NIM1K: variants seen among roughly 807,000 people sequenced by gnomAD.
NIM1K encodes serine/threonine-protein kinase NIM1.
In NIM1K, 35 loss-of-function variants were observed where a neutral mutation model predicts 37.1. That is an observed-to-expected ratio of 0.94 (90% CI 0.72 to 1.25). The LOEUF is 1.25. Among genes scored for constraint, NIM1K ranks in the 50% most tolerant of loss-of-function variants. The pLI, the probability that NIM1K is intolerant of heterozygous loss-of-function variation, is 0.00. For missense variants in NIM1K, 564 were observed against 548.0 expected, an observed-to-expected ratio of 1.03 and a Z score of -0.29; for synonymous variants, 234 against 206.6, an observed-to-expected ratio of 1.13 and a Z score of -1.14.
intron 2 of NIM1K, among the ~76,000 whole-genome samples, chr5:43,246,526 A>AT (rs2112263923): frequency 6.6e-6 from 1 of 151,538 alleles, no homozygotes; most frequent in East Asian, 1.9e-4. Context: ...CTCAGTAACA[A>AT]TGGCACAGTG....
At chr5:43,219,185 T>C (rs568986641) in intron 1 of NIM1K, among the ~76,000 whole-genome samples, 1 of 152,272 alleles carries the variant, frequency 6.6e-6, no homozygotes, top group Non-Finnish European at 1.5e-5. Flanking sequence ...ACCTCTTTCC[T>C]TTATAAATTA....
chr5:43,220,753 C>A (rs1752369683), intron 1 of NIM1K, among the ~76,000 whole-genome samples: 1 of 152,120 alleles, frequency 6.6e-6, no homozygotes, highest in Non-Finnish European at 1.5e-5. Flanking sequence ...TTCCTCTTTT[C>A]CTTTGTTATG....
intron 2 of NIM1K, among the ~76,000 whole-genome samples, chr5:43,272,085 T>A (rs1442441259): frequency 6.6e-6 from 1 of 152,232 alleles, no homozygotes; most frequent in Admixed American, 6.5e-5. Flanking sequence ...ACATGTAGAT[T>A]CTTTGCAGTT....
At chr5:43,202,178 AT>A (rs201283035) in intron 1 of NIM1K, among the ~76,000 whole-genome samples, 12 of 150,650 alleles carry the variant, frequency 8.0e-5, no homozygotes, top group African/African-American at 2.4e-4. Flanking sequence ...AATCCCCCCA[AT>A]TTTTTTTTAT....
intron 2 of NIM1K, among the ~76,000 whole-genome samples, chr5:43,255,381 A>G (rs1752926871): frequency 6.6e-6 from 1 of 152,250 alleles, no homozygotes; most frequent in Admixed American, 6.5e-5. Flanking sequence ...TATGGAACTT[A>G]CACTCTAGTG....
At position 43,280,096 on chromosome 5, in the gene NIM1K, GCTGAACACTTT is replaced by G; in HGVS notation, c.682_692del (p.Asn228TrpfsTer9). The G allele has an allele frequency of 6.2e-7, 1 of 1,614,192 alleles. No homozygotes were observed. Among genetic ancestry groups the G allele is most frequent in the Non-Finnish European group, 8.5e-7 (1 of 1,180,024 alleles). ...GCACAGTAAGCAAAAAAGGTGAAAT[GCTGAACACTTT>G]CTGTGGGTCTCCTCCCTACGCTGCG... On this transcript the variant is annotated frameshift_variant, in exon 4 of 4. Transcript: ENST00000326035. LOFTEE classifies it high-confidence loss of function.
intron 2 of NIM1K, among the ~76,000 whole-genome samples, chr5:43,266,705 G>GGGAGCTGTAGACT (rs773446197): frequency 2.0e-5 from 3 of 152,196 alleles, no homozygotes; most frequent in Non-Finnish European, 2.9e-5. Context: ...TGCTCATGCT[G>GGGAGCTGTAGACT]GGAGCTGTAG....
intron 1 of NIM1K, among the ~76,000 whole-genome samples, chr5:43,204,068 G>A (rs1252413239): frequency 7.2e-6 from 1 of 139,656 alleles, no homozygotes; most frequent in Non-Finnish European, 1.5e-5. Flanking sequence ...TACTATCACT[G>A]ATAGTTCCAA....
rs369188485 is a variant in NIM1K at position 43,209,092 on chromosome 5, C to A, written c.-695+16681C>A. 5.3e-5 allele frequency among the ~76,000 whole-genome samples: 8 copies of A among 152,198 alleles called. No individual in the cohort carries two copies. The East Asian group carries it at 1.5e-3, about 29-fold the overall frequency. On this transcript the variant is annotated intron_variant, in intron 1 of 3. Transcript: ENST00000326035. ...TCTGCTGGAAGCGACTAACACATCA[C>A]ACCCTAAAAATAAAAACAGAGGGAA...
At chr5:43,262,824 T>A (rs188317034) in intron 2 of NIM1K, among the ~76,000 whole-genome samples, 40 of 152,336 alleles carry the variant, frequency 2.6e-4, no homozygotes, top group African/African-American at 8.7e-4. Flanking sequence ...TGAAGGGTTG[T>A]TGAATTTTGT....
chr5:43,228,924 AC>A (rs1204143713), intron 1 of NIM1K, among the ~76,000 whole-genome samples: 1 of 152,234 alleles, frequency 6.6e-6, no homozygotes. Flanking sequence ...ACACAAAAAA[AC>A]CTTCAAACCA....
At chr5:43,200,571 A>C (rs1348945302) in intron 1 of NIM1K, among the ~76,000 whole-genome samples, 1 of 152,142 alleles carries the variant, frequency 6.6e-6, no homozygotes, top group African/African-American at 2.4e-5. Flanking sequence ...AAGTGATGAG[A>C]TTACAGGCGT....
At chr5:43,219,336 C>G (rs1468299357) in intron 1 of NIM1K, among the ~76,000 whole-genome samples, 1 of 152,120 alleles carries the variant, frequency 6.6e-6, no homozygotes, top group Non-Finnish European at 1.5e-5. Flanking sequence ...TATTAGGAGT[C>G]TCAGGTATGT....
rs547801968 is a variant in NIM1K at position 43,233,077 on chromosome 5, T to C, written c.-694-12005T>C. The C allele has an allele frequency of 7.2e-5, 96 of 1,333,598 alleles. No individual in the cohort carries two copies. In the African/African-American group the frequency reaches 9.8e-4, roughly 14 times the overall value. 82.6% of individuals were successfully genotyped at this position (1,333,598 alleles called of 1,614,324 possible). The stretch of plus-strand genomic sequence containing the variant: ...GGTCTTGTCACTTGGCATCTGGCCA[T>C]TGGGCTGGATGCCATGTTCCAGGCA... On this transcript the variant is annotated intron_variant, in intron 1 of 3. Transcript: ENST00000326035.
At chr5:43,218,610 C>T (rs558700459) in intron 1 of NIM1K, among the ~76,000 whole-genome samples, 13 of 152,272 alleles carry the variant, frequency 8.5e-5, no homozygotes, top group African/African-American at 3.1e-4. Flanking sequence ...AGAACTCACT[C>T]ACTAACACAG....
chr5:43,202,120 A>C (rs1752029801), intron 1 of NIM1K, among the ~76,000 whole-genome samples: 1 of 152,148 alleles, frequency 6.6e-6, no homozygotes, highest in Admixed American at 6.6e-5. Context: ...GTTAATATTA[A>C]AGGAAAACAT....
chr5:43,256,882 C>T (rs1752954478), intron 2 of NIM1K, among the ~76,000 whole-genome samples: 2 of 152,190 alleles, frequency 1.3e-5, no homozygotes, highest in African/African-American at 4.8e-5. Flanking sequence ...GTCTCACTTC[C>T]CCATTCTTCT....
intron 1 of NIM1K, among the ~76,000 whole-genome samples, chr5:43,195,662 A>T (rs1416944327): frequency 2.0e-3 from 5 of 2,458 alleles, no homozygotes; most frequent in Non-Finnish European, 4.1e-3. Flanking sequence ...CTCTGAATCC[A>T]AAAAAAAAAA....
intron 1 of NIM1K, chr5:43,207,472 G>A: frequency 1.3e-6 from 1 of 750,714 alleles, no homozygotes; most frequent in South Asian, 1.3e-5. Context: ...TACTGAAGAG[G>A]TACACCAAAG....
Sources: gnomAD v4.1 joint callset for allele counts (sites outside exome capture counted in the v4.1 genomes callset) on GRCh38, gnomAD v4.1.1 for gene constraint, MANE v1.5 for transcripts, NCBI Gene and HGNC (gene_info 2026-07-23, HGNC 2026-07-21) for gene names.